The following CRPPA variants were observed in gnomAD, a reference collection of about 807,000 sequenced individuals.
CRPPA encodes CDP-L-ribitol pyrophosphorylase A, also known as D-ribitol-5-phosphate cytidylyltransferase.
A neutral mutation model predicts 52.0 loss-of-function variants in CRPPA; 43 were observed. The ratio of observed to expected loss-of-function variants is 0.83; its 90% CI spans 0.65 to 1.07. The LOEUF (loss-of-function observed/expected upper bound fraction) is 1.07. Ranked by LOEUF, CRPPA falls within the 50% of genes least tolerant of loss-of-function variation. CRPPA has a pLI of 0.00. For synonymous variants in CRPPA, 250 were observed against 203.5 expected, an observed-to-expected ratio of 1.23 and a Z score of -1.94; for missense variants, 629 against 551.7, an observed-to-expected ratio of 1.14 and a Z score of -1.40.
chr7:16,408,199 G>A (rs1197161621), intron 1 of CRPPA, among the ~76,000 whole-genome samples: 1 of 151,764 alleles, frequency 6.6e-6, no homozygotes, highest in Non-Finnish European at 1.5e-5. Context: ...CAAAAACACC[G>A]ATCAACAATT....
chr7:16,402,803 G>A (rs566448284), intron 2 of CRPPA, among the ~76,000 whole-genome samples: 2 of 152,160 alleles, frequency 1.3e-5, no homozygotes, highest in East Asian at 3.9e-4. Flanking sequence ...GGATAAGAGT[G>A]TATCATATAT....
At chr7:16,265,253 C>T (rs567203937) in intron 6 of CRPPA, among the ~76,000 whole-genome samples, 69 of 152,276 alleles carry the variant, frequency 4.5e-4, no homozygotes, top group African/African-American at 1.6e-3. Context: ...GCTAGCTGGT[C>T]ATACTAAAGC....
chr7:16,196,440 G>C (rs1781737432), intron 9 of CRPPA, among the ~76,000 whole-genome samples: 4 of 152,106 alleles, frequency 2.6e-5, no homozygotes, highest in African/African-American at 9.7e-5. Context: ...CTTTCATTTA[G>C]CAGCTTTACT....
At chr7:16,209,214 G>C (rs572716495) in intron 9 of CRPPA, 1 of 312,008 alleles carries the variant, frequency 3.2e-6, no homozygotes, top group African/African-American at 2.2e-5. Context: ...AAAGATGCAA[G>C]CATTTTGAAC....
Position 16,334,852 on chromosome 7 carries a change from C to T in CRPPA, c.685-26225G>A, listed in dbSNP as rs1785639909. 2.0e-5 allele frequency among the ~76,000 whole-genome samples: 3 copies of T among 152,064 alleles called. No individual in the cohort carries two copies. The South Asian group carries it at 6.2e-4, about 32-fold the overall frequency. On this transcript the variant is annotated intron_variant, in intron 3 of 9. Coordinates refer to ENST00000407010, the MANE Select transcript of CRPPA (RefSeq NM_001101426.4). Reference sequence around the variant, plus strand: ...ACTAAAGGTCTATTACAAAAGAACACCTGAAATAAATGGCTATCTCCTCAA... The same window carrying T: ...ACTAAAGGTCTATTACAAAAGAACATCTGAAATAAATGGCTATCTCCTCAA...
intron 2 of CRPPA, among the ~76,000 whole-genome samples, chr7:16,390,448 A>G (rs2128314753): frequency 6.6e-6 from 1 of 152,238 alleles, no homozygotes; most frequent in South Asian, 2.1e-4. Context: ...CATTTAACCA[A>G]GGTCACCAAT....
intron 3 of CRPPA, among the ~76,000 whole-genome samples, chr7:16,356,431 T>C (rs1786297051): frequency 6.6e-6 from 1 of 152,176 alleles, no homozygotes; most frequent in African/African-American, 2.4e-5. Context: ...TGGGGGAGTA[T>C]CTGGTTTTCC....
intron 8 of CRPPA, among the ~76,000 whole-genome samples, chr7:16,250,951 A>ACCC (rs1783432262): frequency 6.6e-6 from 1 of 152,110 alleles, no homozygotes; most frequent in Non-Finnish European, 1.5e-5. Flanking sequence ...AACAGTCAAG[A>ACCC]ACCATCAGTG....
intron 3 of CRPPA, among the ~76,000 whole-genome samples, chr7:16,318,656 G>A (rs1000559506): frequency 6.6e-6 from 1 of 152,110 alleles, no homozygotes; most frequent in Admixed American, 6.5e-5. Flanking sequence ...TCAGACTGGA[G>A]GGGCAGCAAC....
chr7:16,210,654 T>G (rs1033538484), intron 9 of CRPPA: 1 of 152,160 alleles, frequency 6.6e-6, no homozygotes, highest in Non-Finnish European at 1.5e-5. Flanking sequence ...GATGGTTGCA[T>G]CCTTGATGGA....
intron 4 of CRPPA, among the ~76,000 whole-genome samples, chr7:16,303,491 A>ACAAAAAAAAC (rs1554317850): frequency 4.0e-5 from 5 of 124,936 alleles, no homozygotes; most frequent in East Asian, 2.4e-4. Flanking sequence ...AAAAAAAAAA[A>ACAAAAAAAAC]AAAAAAAAAA....
intron 4 of CRPPA, among the ~76,000 whole-genome samples, chr7:16,303,732 C>T (rs1244309090): frequency 6.6e-6 from 1 of 152,070 alleles, no homozygotes; most frequent in African/African-American, 2.4e-5. Flanking sequence ...ATAAAAATAT[C>T]TGAAGAGAAA....
At chr7:16,272,663 T>A (rs1322156020) in intron 6 of CRPPA, among the ~76,000 whole-genome samples, 1 of 152,218 alleles carries the variant, frequency 6.6e-6, no homozygotes, top group Non-Finnish European at 1.5e-5. Flanking sequence ...GGAAAAAGTA[T>A]ATAAAACTAC....
At chr7:16,166,326 C>A (rs892331233) in intron 9 of CRPPA, among the ~76,000 whole-genome samples, 1 of 151,980 alleles carries the variant, frequency 6.6e-6, no homozygotes, top group East Asian at 1.9e-4. Flanking sequence ...GCTGCCCAGG[C>A]TAGAGTGCAG....
chr7:16,289,102 T>C (rs966853207), intron 5 of CRPPA, among the ~76,000 whole-genome samples: 1 of 151,928 alleles, frequency 6.6e-6, no homozygotes, highest in African/African-American at 2.4e-5. Context: ...TTGGAACACT[T>C]AGAGGAAGTT....
chr7:16,292,378 T>A (rs1784581397), intron 5 of CRPPA, among the ~76,000 whole-genome samples: 1 of 151,882 alleles, frequency 6.6e-6, no homozygotes, highest in Non-Finnish European at 1.5e-5. Context: ...TACTATTAGG[T>A]CCAAGTGGAG....
chr7:16,341,061 G>A (rs1018772388), intron 3 of CRPPA, among the ~76,000 whole-genome samples: 1 of 152,126 alleles, frequency 6.6e-6, no homozygotes, highest in Non-Finnish European at 1.5e-5. Flanking sequence ...TACGGAGACA[G>A]TAAAATCATC....
At chr7:16,264,211 A>C (rs2128414076) in intron 6 of CRPPA, among the ~76,000 whole-genome samples, 1 of 152,336 alleles carries the variant, frequency 6.6e-6, no homozygotes, top group East Asian at 1.9e-4. Flanking sequence ...ATATAAAAAA[A>C]AGTCCTAAGC....
intron 9 of CRPPA, among the ~76,000 whole-genome samples, chr7:16,109,632 T>C (rs150688363): frequency 6.6e-6 from 1 of 151,866 alleles, no homozygotes; most frequent in Non-Finnish European, 1.5e-5. Flanking sequence ...TAATCTACTA[T>C]GACAGATGCA....
Sources: gnomAD v4.1 joint callset for allele counts (sites outside exome capture counted in the v4.1 genomes callset) on GRCh38, gnomAD v4.1.1 for gene constraint, MANE v1.5 for transcripts, NCBI Gene and HGNC (gene_info 2026-07-23, HGNC 2026-07-21) for gene names.